The following AGBL4 variants were observed in gnomAD, a reference collection of about 807,000 sequenced individuals.
AGBL4 encodes the protein cytosolic carboxypeptidase 6.
Under a neutral mutation model 66.4 loss-of-function variants are expected in AGBL4, and 58 were observed. The ratio of observed to expected loss-of-function variants is 0.87; its 90% CI spans 0.71 to 1.09. The LOEUF is 1.09. Among genes scored for constraint, AGBL4 ranks in the 50% least tolerant of loss-of-function variants. The pLI is 0.00. For synonymous variants in AGBL4, 234 were observed against 222.9 expected (o/e 1.05, Z -0.44); for missense variants, 579 against 631.0 (o/e 0.92, Z 0.88).
Position 49,495,279 on chromosome 1 carries a change from G to A in AGBL4, c.282+202034C>T, listed in dbSNP as rs142479829. Among the ~76,000 whole-genome samples, 9 of 152,184 alleles carry A rather than the reference G, an allele frequency of 5.9e-5. No individual in the cohort carries two copies. The East Asian group carries it at 1.6e-3, about 26-fold the overall frequency. ...CTAGCTTGTCCAACCTGTGGCCCGT[G>A]GGCCGCATGTGGCTCACAGTGGCCC... On this transcript the variant is annotated intron_variant, in intron 3 of 13. Coordinates refer to ENST00000371839, the MANE Select transcript of AGBL4 (RefSeq NM_032785.4).
intron 2 of AGBL4, among the ~76,000 whole-genome samples, chr1:49,711,433 A>T (rs943050005): frequency 3.3e-5 from 5 of 152,138 alleles, no homozygotes; most frequent in Non-Finnish European, 5.9e-5. Context: ...CAATACATAC[A>T]ACATGGATCA....
intron 2 of AGBL4, among the ~76,000 whole-genome samples, chr1:49,843,834 A>G (rs1477291128): frequency 1.3e-5 from 2 of 152,096 alleles, no homozygotes; most frequent in African/African-American, 4.8e-5. Flanking sequence ...TCACCCCTCT[A>G]GGCCACTGTG....
chr1:48,892,825 C>T (rs1651101797), intron 5 of AGBL4, among the ~76,000 whole-genome samples: 1 of 152,146 alleles, frequency 6.6e-6, no homozygotes, highest in Non-Finnish European at 1.5e-5. Flanking sequence ...TAACCATTCC[C>T]CCCCTTTTCT....
intron 6 of AGBL4, among the ~76,000 whole-genome samples, chr1:48,723,511 T>C (rs1219410806): frequency 6.6e-6 from 1 of 152,234 alleles, no homozygotes; most frequent in African/African-American, 2.4e-5. Context: ...AAATATCTAT[T>C]GGTTTGTCTA....
chr1:49,535,372 TATA>T (rs1412504757), intron 3 of AGBL4, among the ~76,000 whole-genome samples: 8 of 147,950 alleles, frequency 5.4e-5, no homozygotes, highest in African/African-American at 1.7e-4. Flanking sequence ...TATTATATAT[TATA>T]ATATATAATA....
At chr1:49,198,032 C>T (rs1647372496) in intron 4 of AGBL4, among the ~76,000 whole-genome samples, 1 of 152,098 alleles carries the variant, frequency 6.6e-6, no homozygotes, top group Non-Finnish European at 1.5e-5. Flanking sequence ...GGTGTGCTTT[C>T]TGGCGCCATG....
intron 6 of AGBL4, among the ~76,000 whole-genome samples, chr1:48,695,251 C>G (rs1007454437): frequency 6.6e-6 from 1 of 152,178 alleles, no homozygotes; most frequent in Non-Finnish European, 1.5e-5. Flanking sequence ...TCCTAGTTCC[C>G]CAGCTGGTGA....
intron 5 of AGBL4, among the ~76,000 whole-genome samples, chr1:49,000,669 T>C (rs1249977508): frequency 1.3e-5 from 2 of 152,212 alleles, no homozygotes; most frequent in Non-Finnish European, 2.9e-5. Context: ...TATTTAAGCC[T>C]TAGCTGTTCC....
intron 4 of AGBL4, among the ~76,000 whole-genome samples, chr1:49,104,080 G>A (rs1040090931): frequency 1.3e-5 from 2 of 152,078 alleles, no homozygotes; most frequent in South Asian, 2.1e-4. Context: ...CCAAACCATG[G>A]CTCATCCTGA....
chr1:49,764,904 G>T (rs192532372), intron 2 of AGBL4, among the ~76,000 whole-genome samples: 2 of 152,260 alleles, frequency 1.3e-5, no homozygotes, highest in East Asian at 3.9e-4. Context: ...GTACGTATCT[G>T]AACTAGGAGT....
chr1:49,415,315 C>A (rs1400613553), intron 3 of AGBL4, among the ~76,000 whole-genome samples: 2 of 152,010 alleles, frequency 1.3e-5, no homozygotes, highest in African/African-American at 2.4e-5. Context: ...AGTGGTGCAA[C>A]AATGTTAATT....
At chr1:49,741,025 C>A (rs1424098161) in intron 2 of AGBL4, among the ~76,000 whole-genome samples, 1 of 152,014 alleles carries the variant, frequency 6.6e-6, no homozygotes, top group Non-Finnish European at 1.5e-5. Context: ...CAAAAGCTAG[C>A]AGAAGGCAAG....
rs898007038 is a variant in AGBL4 at position 49,237,691 on chromosome 1, A to G, written c.377+8079T>C. ...TGTAATTCTGTTAAATATTTCTTCT[A>G]CATATACTGAGAACCATGTCAATGT... On this transcript the variant is annotated intron_variant, in intron 4 of 13. Transcript: ENST00000371839. Among the ~76,000 whole-genome samples, 6 of 151,534 alleles carry G rather than the reference A, an allele frequency of 4.0e-5. No individual in the cohort carries two copies. The South Asian group carries it at 1.2e-3, about 31-fold the overall frequency.
intron 5 of AGBL4, among the ~76,000 whole-genome samples, chr1:48,898,740 G>C (rs962940070): frequency 6.6e-6 from 1 of 152,080 alleles, no homozygotes; most frequent in Non-Finnish European, 1.5e-5. Flanking sequence ...TTCCAGCCTT[G>C]TTCTTTTTGC....
intron 4 of AGBL4, among the ~76,000 whole-genome samples, chr1:49,166,767 T>A (rs2148152504): frequency 6.6e-6 from 1 of 152,268 alleles, no homozygotes; most frequent in South Asian, 2.1e-4. Context: ...AGCTTTTACT[T>A]CATAATTACA....
chr1:49,005,963 T>G (rs536743117), intron 5 of AGBL4, among the ~76,000 whole-genome samples: 1 of 151,744 alleles, frequency 6.6e-6, no homozygotes, highest in South Asian at 2.1e-4. Flanking sequence ...ACTGCACCAC[T>G]GCACTCCAGC....
chr1:49,249,420 A>T (rs1025158125), intron 3 of AGBL4, among the ~76,000 whole-genome samples: 23 of 152,318 alleles, frequency 1.5e-4, no homozygotes, highest in Admixed American at 7.2e-4. Flanking sequence ...ACCTGAATAG[A>T]CATTTATCAA....
chr1:48,983,046 T>A (rs1659906726), intron 5 of AGBL4, among the ~76,000 whole-genome samples: 1 of 152,184 alleles, frequency 6.6e-6, no homozygotes, highest in African/African-American at 2.4e-5. Flanking sequence ...TTTTTAAAAT[T>A]TTGAAATATA....
chr1:49,702,420 G>A (rs968337908), intron 2 of AGBL4, among the ~76,000 whole-genome samples: 4 of 152,202 alleles, frequency 2.6e-5, no homozygotes, highest in Non-Finnish European at 5.9e-5. Flanking sequence ...GATCCCGGGA[G>A]GCAGAGGTTG....
Sources: allele counts gnomAD v4.1 joint callset (sites outside exome capture counted in the v4.1 genomes callset), GRCh38; gene constraint gnomAD v4.1.1; transcripts MANE v1.5; gene names NCBI Gene and HGNC (gene_info 2026-07-23, HGNC 2026-07-21).